ZDHHC21: variants seen among roughly 807,000 people sequenced by gnomAD.
The protein encoded by ZDHHC21 is zDHHC palmitoyltransferase 21.
Under a neutral mutation model 34.6 loss-of-function variants are expected in ZDHHC21, and 15 were observed. The observed-to-expected ratio is 0.43, with a 90% CI of 0.29 to 0.67. ZDHHC21 has a LOEUF of 0.67. Ranked by LOEUF, ZDHHC21 falls within the 30% of genes least tolerant of loss-of-function variation. The pLI, the probability that ZDHHC21 is intolerant of heterozygous loss-of-function variation, is 0.14. For missense variants in ZDHHC21, 344 were observed against 327.7 expected (o/e 1.05, Z -0.38); for synonymous variants, 142 against 101.8 (o/e 1.40, Z -2.38).
chr9:14,674,533 T>G (rs1408414424), intron 3 of ZDHHC21, 148 bp from the exon 4 acceptor site: 2 of 480,438 alleles, frequency 4.2e-6, no homozygotes, highest in Middle Eastern at 5.2e-4. Context: ...TTGATATTTC[T>G]TTGTATATAT....
chr9:14,641,471 G>T (rs1485152072), intron 7 of ZDHHC21, among the ~76,000 whole-genome samples: 2 of 152,046 alleles, frequency 1.3e-5, no homozygotes, highest in Admixed American at 6.6e-5. Flanking sequence ...CATTAAACAA[G>T]TTTGACCATG....
chr9:14,664,352 G>A (rs1251192211), intron 5 of ZDHHC21, among the ~76,000 whole-genome samples: 2 of 151,796 alleles, frequency 1.3e-5, no homozygotes, highest in Non-Finnish European at 2.9e-5. Context: ...TGGCTCGGAG[G>A]GTCCTATGCC....
At chr9:14,665,257 G>A (rs1354496322) in intron 5 of ZDHHC21, among the ~76,000 whole-genome samples, 1 of 132,560 alleles carries the variant, frequency 7.5e-6, no homozygotes, top group Non-Finnish European at 1.6e-5. Flanking sequence ...AGCAATGGAA[G>A]ATGAAATGAA....
intron 3 of ZDHHC21, among the ~76,000 whole-genome samples, chr9:14,676,430 TAAGGAATACTTGATTTTA>T (rs560227663): frequency 6.6e-5 from 10 of 151,936 alleles, no homozygotes; most frequent in African/African-American, 2.2e-4. Flanking sequence ...AAAAAGAGAT[TAAGGAATACTTGATTTTA>T]AAGGAATACC....
At chr9:14,619,156 C>G (rs1441691548) in intron 9 of ZDHHC21, 58 bp from the exon 10 acceptor site, 1 of 1,532,762 alleles carries the variant, frequency 6.5e-7, no homozygotes, top group Non-Finnish European at 8.8e-7. Flanking sequence ...CTTCAGTCAG[C>G]TAAAACAATA....
chr9:14,690,790 T>C (rs190217847), intron 1 of ZDHHC21, among the ~76,000 whole-genome samples: 1 of 152,350 alleles, frequency 6.6e-6, no homozygotes, highest in Admixed American at 6.5e-5. Flanking sequence ...ACTTGACTTA[T>C]CAAGAATTCT....
intron 6 of ZDHHC21, among the ~76,000 whole-genome samples, chr9:14,661,722 A>C (rs10125223): frequency 0.12 from 18,295 of 152,274 alleles, 1,429 homozygotes; most frequent in East Asian, 0.3. Context: ...ACTTCCAACA[A>C]GTACATAATG....
intron 2 of ZDHHC21, among the ~76,000 whole-genome samples, chr9:14,682,380 G>A (rs558395880): frequency 7.8e-4 from 119 of 152,148 alleles, no homozygotes; most frequent in African/African-American, 2.7e-3. Context: ...AAAAAGGCAG[G>A]GGTTGCAATC....
intron 5 of ZDHHC21, among the ~76,000 whole-genome samples, chr9:14,662,709 T>C (rs1330286887): frequency 6.6e-6 from 1 of 152,214 alleles, no homozygotes; most frequent in African/African-American, 2.4e-5. Context: ...AGAAATTTCA[T>C]TTTCTAAAGG....
At chr9:14,665,459 C>A (rs1432340551) in intron 5 of ZDHHC21, among the ~76,000 whole-genome samples, 6 of 150,366 alleles carry the variant, frequency 4.0e-5, no homozygotes, top group African/African-American at 1.5e-4. Flanking sequence ...CCCAATCTAG[C>A]AAGGCAGGCC....
At chr9:14,642,582 C>T (rs1439502609) in intron 7 of ZDHHC21, among the ~76,000 whole-genome samples, 1 of 152,138 alleles carries the variant, frequency 6.6e-6, no homozygotes, top group Admixed American at 6.5e-5. Flanking sequence ...GGCACTAATC[C>T]AATCCAACTG....
chr9:14,655,544 T>TA (rs1423383536), intron 7 of ZDHHC21, among the ~76,000 whole-genome samples: 2 of 151,892 alleles, frequency 1.3e-5, no homozygotes, highest in South Asian at 2.1e-4. Flanking sequence ...TACCCCAAAA[T>TA]ATGAAAAATG....
At chr9:14,660,313 G>A (rs1359693341) in intron 6 of ZDHHC21, among the ~76,000 whole-genome samples, 1 of 134,164 alleles carries the variant, frequency 7.5e-6, no homozygotes, top group Non-Finnish European at 1.5e-5. Context: ...TTGCAGTGAG[G>A]CAGAGGTTGA....
At chr9:14,664,301 C>G (rs1026927318) in intron 5 of ZDHHC21, among the ~76,000 whole-genome samples, 1 of 152,092 alleles carries the variant, frequency 6.6e-6, no homozygotes, top group Non-Finnish European at 1.5e-5. Context: ...CTTTTCAGAC[C>G]GGCTTAAGAA....
At chr9:14,628,192 T>C (rs535329001) in intron 8 of ZDHHC21, among the ~76,000 whole-genome samples, 28 of 152,296 alleles carry the variant, frequency 1.8e-4, no homozygotes, top group African/African-American at 6.7e-4. Flanking sequence ...TCTTTTAACC[T>C]TGAAAATGAG....
chr9:14,690,064 G>A (rs1215266354), intron 2 of ZDHHC21, among the ~76,000 whole-genome samples: 1 of 152,132 alleles, frequency 6.6e-6, no homozygotes, highest in Admixed American at 6.5e-5. Flanking sequence ...ATTTAAAAAG[G>A]TAACTTTTGT....
At chr9:14,660,191 A>G (rs199877056) in intron 6 of ZDHHC21, among the ~76,000 whole-genome samples, 11 of 151,798 alleles carry the variant, frequency 7.2e-5, no homozygotes, top group African/African-American at 2.7e-4. Context: ...CATGGTGACA[A>G]CCCGTCTCTG....
the ZDHHC21 span, among the ~76,000 whole-genome samples, chr9:14,603,257 T>C: frequency 6.6e-6 from 1 of 152,250 alleles, no homozygotes; most frequent in East Asian, 1.9e-4. Context: ...AACTCCAAAT[T>C]ATATTTTTAA....
the ZDHHC21 span, among the ~76,000 whole-genome samples, chr9:14,595,648 C>T: frequency 1.3e-5 from 2 of 152,158 alleles, no homozygotes; most frequent in African/African-American, 4.8e-5. Context: ...AATATAAATA[C>T]ATCTGACAAA....
Sources: allele counts gnomAD v4.1 joint callset (sites outside exome capture counted in the v4.1 genomes callset), GRCh38; gene constraint gnomAD v4.1.1; transcripts MANE v1.5; gene names NCBI Gene and HGNC (gene_info 2026-07-23, HGNC 2026-07-21).